ITPKB: variants seen among roughly 807,000 people sequenced by gnomAD.
ITPKB encodes IP3 3-kinase B.
Under a neutral mutation model 69.4 loss-of-function variants are expected in ITPKB, and 13 were observed. That is an observed-to-expected ratio of 0.19 (90% confidence interval 0.12 to 0.30). ITPKB has a LOEUF of 0.30. Ranked by LOEUF, ITPKB falls within the 10% of genes least tolerant of loss-of-function variation. The pLI, the probability that ITPKB is intolerant of heterozygous loss-of-function variation, is 1.00. For missense variants in ITPKB, 1,240 were observed against 1,250.5 expected, an observed-to-expected ratio of 0.99 and a Z score of 0.13; for synonymous variants, 584 against 513.7, an observed-to-expected ratio of 1.14 and a Z score of -1.85.
chr1:226,655,286 T>C (rs562166677), intron 2 of ITPKB, among the ~76,000 whole-genome samples: 1 of 152,324 alleles, frequency 6.6e-6, no homozygotes, highest in East Asian at 1.9e-4. Flanking sequence ...AATGTCATGA[T>C]GGGGAAAGCA....
At position 226,736,336 on chromosome 1, in the gene ITPKB, C is replaced by T. The variant is rs1025197313; in HGVS notation, c.1123G>A (p.Gly375Arg). ...DGEPPGKMGK[G>R]YLPCGMPGSG... The stretch of plus-strand genomic sequence containing the variant: ...CCCGGCATGCCACAGGGCAGATATC[C>T]TTTCCCCATCTTCCCAGGGGGTTCT... Residue 375 changes from glycine to arginine, a missense_variant, in exon 2 of 8, where the codon GGA becomes AGA. By Grantham distance (125) the Gly-to-Arg change is moderately radical. This residue lies in a region of ITPKB where 992 missense variants were observed against 853.8 expected (regional missense o/e 1.16). Coordinates refer to ENST00000429204, the MANE Select transcript of ITPKB (RefSeq NM_002221.4). 1 of 1,612,416 alleles carries T rather than the reference C, an allele frequency of 6.2e-7. No individual in the cohort carries two copies. The highest frequency in any genetic ancestry group is 1.7e-5 in the Admixed American group (1 of 59,856).
At position 226,735,828 on chromosome 1, in the gene ITPKB, C is replaced by T; in HGVS notation, c.1631G>A (p.Ser544Asn). 6.2e-7 allele frequency: 1 copy of T among 1,608,984 alleles called. No homozygotes were observed. The highest frequency in any genetic ancestry group is 8.5e-7 in the Non-Finnish European group (1 of 1,175,998). ...SQRQDSDALP[S>N]PELLPQDPDK... ...CGGATCTTGGGGTAGCAGCTCCGGA[C>T]TTGGGAGGGCATCACTGTCCTGCCG... The change falls in exon 2 of 8, where the codon AGT becomes AAT. Residue 544 changes from serine to asparagine, a missense_variant. Physicochemically the swap from Ser to Asn is conservative, Grantham distance 46. Around this residue, in one of 2 missense-constraint regions of ITPKB, gnomAD observed 992 missense variants for 853.8 expected, o/e 1.16. Coordinates refer to ENST00000429204, the MANE Select transcript of ITPKB (RefSeq NM_002221.4).
chr1:226,728,367 CA>C (rs1657485096), intron 2 of ITPKB, among the ~76,000 whole-genome samples: 1 of 152,164 alleles, frequency 6.6e-6, no homozygotes, highest in African/African-American at 2.4e-5. Context: ...AGATTTCTAA[CA>C]GTGAATTCTT....
chr1:226,661,870 C>T (rs1423317447), intron 2 of ITPKB, among the ~76,000 whole-genome samples: 1 of 152,222 alleles, frequency 6.6e-6, no homozygotes, highest in East Asian at 1.9e-4. Context: ...TGACCACCTC[C>T]TCTTCTATCC....
chr1:226,664,493 G>A (rs1571847787), intron 2 of ITPKB, among the ~76,000 whole-genome samples: 1 of 152,238 alleles, frequency 6.6e-6, no homozygotes, highest in East Asian at 1.9e-4. Context: ...TGGGGACTCT[G>A]TCCCAGGGAG....
At chr1:226,689,844 C>A (rs1656307377) in intron 2 of ITPKB, among the ~76,000 whole-genome samples, 1 of 152,128 alleles carries the variant, frequency 6.6e-6, no homozygotes, top group Admixed American at 6.5e-5. Flanking sequence ...TCATTTAGCT[C>A]CCACTTATAA....
chr1:226,655,934 C>G (rs1326079862), intron 2 of ITPKB, among the ~76,000 whole-genome samples: 1 of 152,242 alleles, frequency 6.6e-6, no homozygotes, highest in Non-Finnish European at 1.5e-5. Context: ...CTGCAGCGCA[C>G]CCGGGCTCAT....
In ITPKB at chr1:226,737,478, CCCG is replaced by C; in HGVS notation, c.-23_-21del. The C allele has an allele frequency of 6.5e-7, 1 of 1,537,086 alleles. No individual in the cohort carries two copies. The highest frequency in any genetic ancestry group is 8.7e-7 in the Non-Finnish European group (1 of 1,146,466). On this transcript the variant is annotated 5_prime_UTR_variant, in exon 2 of 8. Coordinates refer to ENST00000429204, the MANE Select transcript of ITPKB (RefSeq NM_002221.4). ...AGCCATAGTACTGGGTCCCGCGCTG[CCCG>C]CCGCCGCGGCTCCCGCTCCTGCTCC...
intron 2 of ITPKB, among the ~76,000 whole-genome samples, chr1:226,721,551 AGTG>A (rs1441520600): frequency 6.6e-6 from 1 of 151,572 alleles, no homozygotes; most frequent in Non-Finnish European, 1.5e-5. Flanking sequence ...GCTGGAGTGC[AGTG>A]GTGCAATCTC....
intron 2 of ITPKB, among the ~76,000 whole-genome samples, chr1:226,657,539 G>A (rs913431004): frequency 6.6e-6 from 1 of 152,192 alleles, no homozygotes; most frequent in Non-Finnish European, 1.5e-5. Context: ...TATCAGAAAT[G>A]GGAAATGATC....
At chr1:226,649,959 G>A (rs1296574035) in intron 2 of ITPKB, among the ~76,000 whole-genome samples, 1 of 152,198 alleles carries the variant, frequency 6.6e-6, no homozygotes, top group African/African-American at 2.4e-5. Context: ...GTCCTCAGGG[G>A]GGCGATGAGA....
chr1:226,707,054 C>A (rs1243679430), intron 2 of ITPKB: 2 of 387,076 alleles, frequency 5.2e-6, no homozygotes, highest in African/African-American at 4.4e-5. Context: ...TATGAAAAAC[C>A]ATCACCCTCC....
chr1:226,701,251 C>CA (rs1347179778), intron 2 of ITPKB, among the ~76,000 whole-genome samples: 1 of 152,226 alleles, frequency 6.6e-6, no homozygotes, highest in Non-Finnish European at 1.5e-5. Flanking sequence ...GACACCCCAA[C>CA]AGTAGAATTC....
At chr1:226,715,135 T>C (rs905165373) in intron 2 of ITPKB, among the ~76,000 whole-genome samples, 1 of 152,246 alleles carries the variant, frequency 6.6e-6, no homozygotes, top group Non-Finnish European at 1.5e-5. Context: ...AATAAAAGCA[T>C]AATAGGTATT....
chr1:226,674,642 T>C (rs1371758142), intron 2 of ITPKB, among the ~76,000 whole-genome samples: 3 of 152,170 alleles, frequency 2.0e-5, no homozygotes, highest in East Asian at 3.8e-4. Context: ...CCACAAGTTT[T>C]AGATACTTAA....
In ITPKB at chr1:226,631,780, A is replaced by T. The variant is rs1668734344; in HGVS notation, c.*2891T>A. On this transcript the variant is annotated 3_prime_UTR_variant, in exon 8 of 8. Transcript: ENST00000429204. ...ACAGTTCAGTTTTCTCCAAGGTCCC[A>T]TGGGGAGAGGGGTGCAGAACAGGAA... is the stretch of plus-strand genomic sequence containing the variant. 1 of 152,410 alleles carries T rather than the reference A, an allele frequency of 6.6e-6. No homozygotes were observed. The highest frequency in any genetic ancestry group is 6.6e-5 in the Admixed American group (1 of 15,238). The allele number at this position is 152,410 out of a possible 1,614,324, so 9.4% of individuals were successfully genotyped here. A position where few individuals can be genotyped will look rare whatever the true frequency, so the allele number is the denominator to read the frequency against.
intron 2 of ITPKB, among the ~76,000 whole-genome samples, chr1:226,731,254 T>C (rs1657580826): frequency 6.6e-6 from 1 of 152,250 alleles, no homozygotes; most frequent in Non-Finnish European, 1.5e-5. Flanking sequence ...CAGGTTAATG[T>C]TCTGGCATCC....
intron 2 of ITPKB, among the ~76,000 whole-genome samples, chr1:226,677,467 C>T (rs995774739): frequency 6.6e-6 from 1 of 152,206 alleles, no homozygotes; most frequent in Non-Finnish European, 1.5e-5. Flanking sequence ...GCCTTCTCCC[C>T]TTCCTCCTTA....
rs546734624 is a variant in ITPKB, at chr1:226,701,345, C to T, written c.1932+34182G>A. ...TTTGGCCGGGCGCGGTGGCTCACGC[C>T]TGTAATCCCAGCACTTTGGGAGGCC... On this transcript the variant is annotated intron_variant, in intron 2 of 7. Coordinates refer to ENST00000429204, the MANE Select transcript of ITPKB (RefSeq NM_002221.4). Among the ~76,000 whole-genome samples, 4 of 152,240 alleles carry T rather than the reference C, an allele frequency of 2.6e-5. No individual in the cohort carries two copies. In the South Asian group the frequency reaches 8.3e-4, roughly 32 times the overall value.
Sources: allele counts gnomAD v4.1 joint callset (sites outside exome capture counted in the v4.1 genomes callset), GRCh38; gene constraint gnomAD v4.1.1; regional missense constraint gnomAD v4.1.1; transcripts MANE v1.5; gene names NCBI Gene and HGNC (gene_info 2026-07-23, HGNC 2026-07-21).